The following HS2ST1 variants were observed in gnomAD, a reference collection of about 807,000 sequenced individuals.
The protein encoded by HS2ST1 is heparan sulfate 2-O-sulfotransferase 1, also known as 2-O-sulfotransferase.
Under a neutral mutation model 42.9 loss-of-function variants are expected in HS2ST1, and 18 were observed. The ratio of observed to expected loss-of-function variants is 0.42; its 90% confidence interval spans 0.29 to 0.62. The LOEUF is 0.62. Among genes scored for constraint, HS2ST1 ranks in the 20% least tolerant of loss-of-function variants. HS2ST1 has a pLI of 0.21. For missense variants in HS2ST1, 334 were observed against 433.8 expected, an observed-to-expected ratio of 0.77 and a Z score of 2.04; for synonymous variants, 146 against 152.9, an observed-to-expected ratio of 0.95 and a Z score of 0.33.
In HS2ST1 at chr1:87,092,636, A is replaced by G; in HGVS notation, c.555A>G (p.Pro185=). 6.5e-7 allele frequency: 1 copy of G among 1,547,354 alleles called. No homozygotes were observed. Among genetic ancestry groups the G allele is most frequent in the Non-Finnish European group, 8.7e-7 (1 of 1,152,574 alleles). ...YFLRFGDDYR[P]GLRRRKQGDK... The stretch of plus-strand genomic sequence containing the variant: ...TGAGATTTGGAGATGATTATAGACC[A>G]GGGTTACGGAGACGAAAACAAGGAG... The change falls in exon 4 of 7, where the codon CCA becomes CCG. Residue 185 remains proline (P), a synonymous_variant. Transcript: ENST00000370550.
At chr1:87,093,134 G>A (rs555344486) in intron 4 of HS2ST1, among the ~76,000 whole-genome samples, 84 of 152,076 alleles carry the variant, frequency 5.5e-4, no homozygotes, top group Admixed American at 1.5e-3. Context: ...CCATTTCACT[G>A]CATTTTCTAG....
In HS2ST1 at chr1:86,914,994, C is replaced by G. The variant is rs755789064; in HGVS notation, c.-43C>G. The G allele has an allele frequency of 6.2e-6, 10 of 1,611,718 alleles. No homozygotes were observed. Among genetic ancestry groups the G allele is most frequent in the Non-Finnish European group, 8.5e-6 (10 of 1,179,420 alleles). On this transcript the variant is annotated 5_prime_UTR_variant, in exon 1 of 7. Transcript: ENST00000370550. ...TCTCTCTCGCCTCCGGGGTCCCGCT[C>G]CCCGCCCCCCGCGGTATGTCTTGAT...
chr1:86,974,959 A>G (rs1485918711), intron 1 of HS2ST1, among the ~76,000 whole-genome samples: 1 of 152,160 alleles, frequency 6.6e-6, no homozygotes, highest in Non-Finnish European at 1.5e-5. Context: ...TAGAGGTTCA[A>G]ATTGACTGAA....
chr1:86,928,974 A>G (rs1660478603), intron 1 of HS2ST1, among the ~76,000 whole-genome samples: 1 of 151,866 alleles, frequency 6.6e-6, no homozygotes, highest in Admixed American at 6.6e-5. Context: ...CTAGGTTGGA[A>G]CTTTGTGTTT....
chr1:87,088,464 GT>G (rs1386021124), intron 3 of HS2ST1, among the ~76,000 whole-genome samples: 1 of 152,048 alleles, frequency 6.6e-6, no homozygotes, highest in Non-Finnish European at 1.5e-5. Flanking sequence ...CCATTCACCA[GT>G]TTCTGGATAT....
chr1:87,076,916 C>T (rs1017049319), intron 2 of HS2ST1, among the ~76,000 whole-genome samples: 4 of 152,158 alleles, frequency 2.6e-5, no homozygotes, highest in African/African-American at 9.7e-5. Flanking sequence ...GAAATTCACT[C>T]TCAAGCCAAC....
intron 1 of HS2ST1, among the ~76,000 whole-genome samples, chr1:86,986,143 CCTT>C (rs1019452692): frequency 8.6e-5 from 13 of 150,730 alleles, no homozygotes; most frequent in African/African-American, 2.9e-4. Context: ...ATTTTACTCT[CCTT>C]CTTAATTTAT....
intron 1 of HS2ST1, among the ~76,000 whole-genome samples, chr1:86,918,033 A>G (rs1660202131): frequency 6.6e-6 from 1 of 152,216 alleles, no homozygotes; most frequent in Non-Finnish European, 1.5e-5. Context: ...CCTTAAAAGT[A>G]GTTATTATCA....
chr1:86,992,617 C>T (rs1648988539), intron 1 of HS2ST1, among the ~76,000 whole-genome samples: 2 of 152,182 alleles, frequency 1.3e-5, no homozygotes. Flanking sequence ...ACGCCTCGGC[C>T]TCCCAAATTG....
intron 1 of HS2ST1, among the ~76,000 whole-genome samples, chr1:86,981,958 A>T (rs12068864): frequency 1.3e-5 from 2 of 152,208 alleles, no homozygotes; most frequent in Non-Finnish European, 2.9e-5. Flanking sequence ...CCTGCAGCAC[A>T]CTTCTGCCTG....
chr1:87,057,683 C>G (rs1651005563), intron 1 of HS2ST1, among the ~76,000 whole-genome samples: 1 of 151,510 alleles, frequency 6.6e-6, no homozygotes, highest in Non-Finnish European at 1.5e-5. Flanking sequence ...AACCCCATCT[C>G]TACTAAAAAT....
rs559403773 is a variant in HS2ST1, at chr1:87,078,891, G to C, written c.364-5303G>C. On this transcript the variant is annotated intron_variant, in intron 2 of 6. Transcript: ENST00000370550. ...TGAGAAGGCAGATCATGATAGAGCA[G>C]AACTGGGACTAGACTGATGAGAGAG... 1.2e-3 allele frequency among the ~76,000 whole-genome samples: 181 copies of C among 152,268 alleles called. 1 individual carries two copies. The highest frequency in any genetic ancestry group is 4.1e-3 in the African/African-American group (170 of 41,564).
intron 1 of HS2ST1, among the ~76,000 whole-genome samples, chr1:87,003,051 G>T (rs1363033678): frequency 6.6e-6 from 1 of 152,218 alleles, no homozygotes; most frequent in African/African-American, 2.4e-5. Flanking sequence ...TGTGGCCCAC[G>T]CCCTGATGGC....
At chr1:86,990,905 C>T (rs1448902855) in intron 1 of HS2ST1, among the ~76,000 whole-genome samples, 6 of 140,000 alleles carry the variant, frequency 4.3e-5, no homozygotes, top group African/African-American at 1.6e-4. Context: ...ATCTCAAACT[C>T]CTGACCTCAG....
chr1:86,986,378 G>A (rs942374247), intron 1 of HS2ST1, among the ~76,000 whole-genome samples: 5 of 151,960 alleles, frequency 3.3e-5, no homozygotes, highest in African/African-American at 1.2e-4. Flanking sequence ...TTGTTCTATC[G>A]AAACGTGCTA....
chr1:86,985,343 A>T (rs1250069793), intron 1 of HS2ST1, among the ~76,000 whole-genome samples: 1 of 80,144 alleles, frequency 1.2e-5, no homozygotes, highest in Non-Finnish European at 2.7e-5. Flanking sequence ...AGACAGCGAG[A>T]CTTGTATCAA....
intron 1 of HS2ST1, among the ~76,000 whole-genome samples, chr1:87,062,582 A>C (rs2100624432): frequency 6.6e-6 from 1 of 152,268 alleles, no homozygotes; most frequent in Admixed American, 6.5e-5. Context: ...TTGAAAACTC[A>C]AGAGGAAAGG....
chr1:86,949,084 T>TA (rs1225020871), intron 1 of HS2ST1, among the ~76,000 whole-genome samples: 3 of 152,154 alleles, frequency 2.0e-5, no homozygotes, highest in African/African-American at 4.8e-5. Flanking sequence ...AAACTTTCCT[T>TA]AAAAAATGAT....
intron 1 of HS2ST1, among the ~76,000 whole-genome samples, chr1:87,002,738 C>T (rs1487683159): frequency 6.6e-6 from 1 of 151,800 alleles, no homozygotes; most frequent in Non-Finnish European, 1.5e-5. Flanking sequence ...AAAAATTTTC[C>T]CCCCCGCTGA....
Sources: allele counts gnomAD v4.1 joint callset (sites outside exome capture counted in the v4.1 genomes callset), GRCh38; gene constraint gnomAD v4.1.1; transcripts MANE v1.5; gene names NCBI Gene and HGNC (gene_info 2026-07-23, HGNC 2026-07-21).